The following ADAMTSL1 variants were observed in gnomAD, a reference collection of about 807,000 sequenced individuals.
ADAMTSL1 encodes the protein ADAMTS-like protein 1.
Under a neutral mutation model 201.8 loss-of-function variants are expected in ADAMTSL1, and 126 were observed. That is an observed-to-expected ratio of 0.62 (90% confidence interval 0.54 to 0.72). The LOEUF (loss-of-function observed/expected upper bound fraction) is 0.72, where lower values mean the gene tolerates loss of function less well. Ranked by LOEUF, ADAMTSL1 falls within the 30% of genes least tolerant of loss-of-function variation. The pLI is 0.00. For synonymous variants in ADAMTSL1, 1,121 were observed against 903.4 expected (o/e 1.24, Z -4.32); for missense variants, 2,679 against 2,277.8 (o/e 1.18, Z -3.59).
chr9:18,302,574 G>A (rs1196932120), intron 2 of ADAMTSL1, among the ~76,000 whole-genome samples: 1 of 152,172 alleles, frequency 6.6e-6, no homozygotes, highest in Non-Finnish European at 1.5e-5. Context: ...GCCAAACAGT[G>A]CTAGGTATAG....
chr9:18,391,203 T>G (rs1260806663), intron 2 of ADAMTSL1, among the ~76,000 whole-genome samples: 1 of 152,194 alleles, frequency 6.6e-6, no homozygotes, highest in East Asian at 1.9e-4. Flanking sequence ...ACGCTGGTCA[T>G]TTTTATACCT....
chr9:18,342,061 G>A (rs1018168881), intron 2 of ADAMTSL1, among the ~76,000 whole-genome samples: 1 of 152,002 alleles, frequency 6.6e-6, no homozygotes, highest in Non-Finnish European at 1.5e-5. Flanking sequence ...TAATGAATTA[G>A]GTAAAATATC....
intron 1 of ADAMTSL1, among the ~76,000 whole-genome samples, chr9:17,908,046 A>C (rs891007992): frequency 3.9e-5 from 6 of 152,030 alleles, no homozygotes; most frequent in Non-Finnish European, 5.9e-5. Flanking sequence ...CTCTATTTTA[A>C]AATTTTGATT....
chr9:18,169,168 G>C (rs1356049413), intron 2 of ADAMTSL1, among the ~76,000 whole-genome samples: 2 of 151,328 alleles, frequency 1.3e-5, no homozygotes, highest in Non-Finnish European at 2.9e-5. Flanking sequence ...TGTTGCCATT[G>C]CTTTTGGTGT....
intron 4 of ADAMTSL1, among the ~76,000 whole-genome samples, chr9:18,606,760 C>T (rs907114104): frequency 1.3e-5 from 2 of 152,156 alleles, no homozygotes; most frequent in African/African-American, 4.8e-5. Context: ...CACCACAATT[C>T]CTTCCCCCCC....
At chr9:18,366,464 C>T (rs1484023610) in intron 2 of ADAMTSL1, among the ~76,000 whole-genome samples, 1 of 151,768 alleles carries the variant, frequency 6.6e-6, no homozygotes, top group African/African-American at 2.4e-5. Context: ...TCATATACTG[C>T]TTTCTCATTT....
intron 1 of ADAMTSL1, among the ~76,000 whole-genome samples, chr9:18,110,897 G>A (rs566685406): frequency 2.0e-5 from 3 of 152,028 alleles, no homozygotes; most frequent in Admixed American, 1.3e-4. Flanking sequence ...CAGTTGACTC[G>A]GGAACATTAT....
intron 2 of ADAMTSL1, among the ~76,000 whole-genome samples, chr9:18,325,051 C>T (rs1456001003): frequency 6.6e-6 from 1 of 152,128 alleles, no homozygotes; most frequent in African/African-American, 2.4e-5. Context: ...AAAATATACA[C>T]ACTCAGTAGA....
At chr9:18,737,843 A>G (rs892383450) in intron 15 of ADAMTSL1, among the ~76,000 whole-genome samples, 1 of 152,208 alleles carries the variant, frequency 6.6e-6, no homozygotes, top group Non-Finnish European at 1.5e-5. Context: ...TTTATCATAA[A>G]CTGGAAGAAC....
At chr9:18,355,827 C>T (rs1400375153) in intron 2 of ADAMTSL1, among the ~76,000 whole-genome samples, 1 of 152,202 alleles carries the variant, frequency 6.6e-6, no homozygotes. Context: ...GGCAACACAA[C>T]AAGACCCTGT....
In ADAMTSL1 at chr9:18,069,700, G is replaced by C. The variant is rs180972897; in HGVS notation, c.88-94162G>C. Among the ~76,000 whole-genome samples, 179 of 152,254 alleles carry C rather than the reference G, an allele frequency of 1.2e-3. 1 individual carries two copies. Among genetic ancestry groups the C allele is most frequent in the African/African-American group, 4.0e-3 (166 of 41,542 alleles). On this transcript the variant is annotated intron_variant, in intron 1 of 29. Coordinates refer to the ADAMTSL1 transcript ENST00000680146. ...TGTGATCTGATTGGATTTATCTTTAGACCCTGTCAATACATGGAGGGTGGA... is the reference window on the plus strand; with the variant it reads ...TGTGATCTGATTGGATTTATCTTTACACCCTGTCAATACATGGAGGGTGGA...
intron 1 of ADAMTSL1, among the ~76,000 whole-genome samples, chr9:17,955,846 A>T (rs539126403): frequency 1.3e-5 from 2 of 152,302 alleles, no homozygotes; most frequent in African/African-American, 2.4e-5. Flanking sequence ...CGTTCTATCC[A>T]TGGATTCAGG....
At chr9:18,814,612 C>A (rs1823716966) in intron 20 of ADAMTSL1, among the ~76,000 whole-genome samples, 1 of 152,104 alleles carries the variant, frequency 6.6e-6, no homozygotes. Flanking sequence ...AGGCCATTAC[C>A]CTTAGCAAAC....
chr9:18,374,366 A>T (rs977003160), intron 2 of ADAMTSL1, among the ~76,000 whole-genome samples: 1 of 151,300 alleles, frequency 6.6e-6, no homozygotes, highest in African/African-American at 2.4e-5. Context: ...ATGGGGTCTC[A>T]CTCTGTCACC....
chr9:18,050,658 T>C (rs1413297637), intron 1 of ADAMTSL1, among the ~76,000 whole-genome samples: 1 of 152,150 alleles, frequency 6.6e-6, no homozygotes, highest in East Asian at 1.9e-4. Flanking sequence ...TAAGTGTTGA[T>C]TTTCAGACTT....
At chr9:18,201,340 G>C (rs552868746) in intron 2 of ADAMTSL1, among the ~76,000 whole-genome samples, 1 of 152,008 alleles carries the variant, frequency 6.6e-6, no homozygotes, top group African/African-American at 2.4e-5. Flanking sequence ...GGATGATGTC[G>C]AGTTATCTTT....
intron 1 of ADAMTSL1, among the ~76,000 whole-genome samples, chr9:18,125,441 T>G (rs141458038): frequency 3.9e-5 from 6 of 152,254 alleles, no homozygotes; most frequent in African/African-American, 1.4e-4. Flanking sequence ...GAAGTCCAAT[T>G]TATTTATTTT....
At chr9:18,197,945 A>G (rs1415474941) in intron 2 of ADAMTSL1, among the ~76,000 whole-genome samples, 1 of 152,116 alleles carries the variant, frequency 6.6e-6, no homozygotes, top group Non-Finnish European at 1.5e-5. Context: ...GCCCTCAGAA[A>G]TAATGCCGCA....
At chr9:18,047,079 G>A (rs987558331) in intron 1 of ADAMTSL1, among the ~76,000 whole-genome samples, 3 of 151,970 alleles carry the variant, frequency 2.0e-5, no homozygotes, top group African/African-American at 7.3e-5. Context: ...ATTGACAAGG[G>A]TGAAAATAAA....
Sources: gnomAD v4.1 joint callset for allele counts (sites outside exome capture counted in the v4.1 genomes callset) on GRCh38, gnomAD v4.1.1 for gene constraint, MANE v1.5 for transcripts, NCBI Gene and HGNC (gene_info 2026-07-23, HGNC 2026-07-21) for gene names.